The following ACE variants were observed in gnomAD, a reference collection of about 807,000 sequenced individuals.
ACE encodes the protein angiotensin I converting enzyme.
ACE carries 122 observed loss-of-function variants against 162.3 expected under a neutral mutation model. The ratio of observed to expected loss-of-function variants is 0.75; its 90% confidence interval spans 0.65 to 0.87. The LOEUF (loss-of-function observed/expected upper bound fraction) is 0.87. Among genes scored for constraint, ACE ranks in the 40% least tolerant of loss-of-function variants. The pLI, the probability that ACE is intolerant of heterozygous loss-of-function variation, is 0.00. For missense variants in ACE, 1,799 were observed against 1,735.1 expected (o/e 1.04, Z -0.65); for synonymous variants, 796 against 720.6 (o/e 1.10, Z -1.68).
In ACE at chr17:63,483,060, A is replaced by G. The variant is rs1301877423; in HGVS notation, c.1374A>G (p.Ala458=). ...ESDINYLLKM[A]LEKIAFLPFG... ...ACATCAATTACTTGCTAAAAATGGC[A>G]CTGGAAAAAATTGCCTTCCTGCCCT... The change falls in exon 9 of 25, where the codon GCA becomes GCG. Residue 458 remains alanine, a synonymous_variant. Transcript: ENST00000290866. The G allele has an allele frequency of 2.4e-5, 39 of 1,614,170 alleles. No homozygotes were observed. The highest frequency in any genetic ancestry group is 3.3e-5 in the Non-Finnish European group (39 of 1,180,026).
chr17:63,496,501 C>T lies in ACE; in HGVS notation c.3488C>T (p.Ala1163Val). ...HKCDIYQSKE[A>V]GQRLATAMKL... is the part of the protein sequence containing the mutation. Reference sequence around the variant, plus strand: ...TGTGACATCTACCAGTCCAAGGAGGCCGGGCAGCGCCTGGCGTGAGTGTCC... The same window carrying T: ...TGTGACATCTACCAGTCCAAGGAGGTCGGGCAGCGCCTGGCGTGAGTGTCC... Residue 1163 changes from alanine (A) to valine (V), a missense_variant, in exon 23 of 25, where the codon GCC becomes GTC. Transcript: ENST00000290866. 2 of 1,614,148 alleles carry T rather than the reference C, an allele frequency of 1.2e-6. No individual in the cohort carries two copies. The highest frequency in any genetic ancestry group is 1.7e-6 in the Non-Finnish European group (2 of 1,180,048).
rs13306087 is a variant in ACE at position 63,479,049 on chromosome 17, G to A, written c.460G>A (p.Ala154Thr). 491 of 1,613,538 alleles carry A rather than the reference G, an allele frequency of 3.0e-4. 2 individuals carry two copies. In the East Asian group the frequency reaches 7.7e-3, roughly 25 times the overall value. The change falls in exon 3 of 25, where the codon GCC (alanine) becomes ACC (threonine). Residue 154 changes from alanine to threonine, a missense_variant. Ala to Thr is a moderately conservative substitution (Grantham distance 58). Coordinates refer to ENST00000290866, the MANE Select transcript of ACE (RefSeq NM_000789.4). ...CAACATGAGCAGGATCTACTCCACC[G>A]CCAAGGTCTGCCTCCCCAACAAGAC... The part of the protein sequence containing the change: ...LSNMSRIYST[A>T]KVCLPNKTAT...
At chr17:63,480,225 C>T (rs2049683411) in intron 4 of ACE, 112 bp from the exon 5 acceptor site, 1 of 1,207,948 alleles carries the variant, frequency 8.3e-7, no homozygotes, top group African/African-American at 1.5e-5. Context: ...GCCAATTTTC[C>T]AGCTAGCTGC....
chr17:63,481,095 C>T lies in ACE; in HGVS notation c.852C>T (p.Asp284=). 6.2e-7 allele frequency: 1 copy of T among 1,614,018 alleles called. No homozygotes were observed. Among genetic ancestry groups the T allele is most frequent in the South Asian group, 1.1e-5 (1 of 91,078 alleles). The change falls in exon 6 of 25, where the codon GAC becomes GAT. Residue 284 remains aspartate (D), a synonymous_variant. Transcript: ENST00000290866. ...RGPIPAHLLG[D]MWAQSWENIY... ...TCCCCTTCCTTCCTTATCTAGGAGA[C>T]ATGTGGGCCCAGAGCTGGGAAAACA...
In ACE at chr17:63,480,489, T is replaced by C; in HGVS notation, c.808T>C (p.Tyr270His). The C allele has an allele frequency of 6.2e-7, 1 of 1,614,014 alleles. No homozygotes were observed. Among genetic ancestry groups the C allele is most frequent in the Non-Finnish European group, 8.5e-7 (1 of 1,180,026 alleles). ...RALHRRYGDR[Y>H]INLRGPIPAH... ...ACTGCATCGCCGATACGGAGACAGATACATCAACCTCAGGGGACCCATCCC... is the reference window on the plus strand; with the variant it reads ...ACTGCATCGCCGATACGGAGACAGACACATCAACCTCAGGGGACCCATCCC... Residue 270 changes from tyrosine to histidine, a missense_variant, in exon 5 of 25, where the codon TAC becomes CAC. By Grantham distance (83) the Tyr-to-His change is moderately conservative. Coordinates refer to ENST00000290866, the MANE Select transcript of ACE (RefSeq NM_000789.4).
At chr17:63,490,649 G>A in intron 17 of ACE, 1 of 435,514 alleles carries the variant, frequency 2.3e-6, no homozygotes, top group East Asian at 4.9e-5. Flanking sequence ...CTGGGGACCT[G>A]TAATGTCCTC....
At chr17:63,479,171 A>G in intron 3 of ACE, 71 bp downstream of exon 3, 1 of 1,236,098 alleles carries the variant, frequency 8.1e-7, no homozygotes, top group Non-Finnish European at 1.2e-6. Flanking sequence ...ACTCCAGACC[A>G]TGCAGTTGTG....
At chr17:63,480,966 C>T in intron 5 of ACE, 125 bp from the exon 6 acceptor site, 2 of 900,222 alleles carry the variant, frequency 2.2e-6, no homozygotes, top group South Asian at 1.4e-5. Context: ...TGGCCCTAAG[C>T]CAGGCCTGCA....
chr17:63,483,000 C>T lies in ACE; in HGVS notation c.1343-29C>T, dbSNP rs558058970. The T allele has an allele frequency of 1.1e-5, 17 of 1,611,636 alleles. No individual in the cohort carries two copies. The African/African-American group carries it at 1.5e-4, about 14-fold the overall frequency. On this transcript the variant is annotated intron_variant, in intron 8 of 24. Coordinates refer to ENST00000290866, the MANE Select transcript of ACE (RefSeq NM_000789.4). ...GACCCTCTTCTCCCTCTGACCTCTT[C>T]CCTCTCCTTTCATCTCATCTCCCAA...
At chr17:63,486,894 A>G (rs1442031035) in intron 14 of ACE, 92 bp from the exon 15 acceptor site, 13 of 1,479,134 alleles carry the variant, frequency 8.8e-6, no homozygotes. Flanking sequence ...CTGGCTCCCC[A>G]CCTGCCAGCC....
chr17:63,491,457 A>T lies in ACE; in HGVS notation c.2912+76A>T. 1 of 1,582,056 alleles carries T rather than the reference A, an allele frequency of 6.3e-7. No homozygotes were observed. Among genetic ancestry groups the T allele is most frequent in the Admixed American group, 1.7e-5 (1 of 59,818 alleles). On this transcript the variant is annotated intron_variant, in intron 19 of 24. Coordinates refer to ENST00000290866, the MANE Select transcript of ACE (RefSeq NM_000789.4). This position sits in a 1 kb window ranked among gnomAD's most constrained non-coding sequence, Gnocchi z 4.4. Reference sequence around the variant, plus strand: ...AAATGAACCAAGCAAAGGGTCCACTACTGTCCCCCAGCTGGAGCCAGCAGG... The same window carrying T: ...AAATGAACCAAGCAAAGGGTCCACTTCTGTCCCCCAGCTGGAGCCAGCAGG...
chr17:63,483,567 G>GCGGGCCCCC lies in ACE; in HGVS notation c.1586+10_1586+11insGGGCCCCCC. The GCGGGCCCCC allele has an allele frequency of 1.9e-6, 3 of 1,589,568 alleles. No homozygotes were observed. The highest frequency in any genetic ancestry group is 8.6e-7 in the Non-Finnish European group (1 of 1,165,676). On this transcript the variant is annotated intron_variant, in intron 10 of 24. Coordinates refer to ENST00000290866, the MANE Select transcript of ACE (RefSeq NM_000789.4). Reference sequence around the variant, plus strand: ...GTGACACCATACATCAGGTATTAGCGCCCCCACCCCACCCACCCCCAGTAC... The same window carrying GCGGGCCCCC: ...GTGACACCATACATCAGGTATTAGCGCGGGCCCCCCCCCCACCCCACCCACCCCCAGTAC...
At chr17:63,490,895 A>G in intron 17 of ACE, 59 bp from the exon 18 acceptor site, 2 of 1,534,052 alleles carry the variant, frequency 1.3e-6, no homozygotes, top group East Asian at 4.5e-5. Context: ...GCAGGAGGGC[A>G]TTGAGCCTAA....
At chr17:63,478,950 G>A (rs557510265) in intron 2 of ACE, 57 bp from the exon 3 acceptor site, 2 of 1,456,478 alleles carry the variant, frequency 1.4e-6, no homozygotes, top group Admixed American at 3.5e-5. Context: ...GCAGCGAGGG[G>A]AGGGCAGATG....
At chr17:63,479,653 A>G (rs2049674242) in intron 3 of ACE, 116 bp from the exon 4 acceptor site, 3 of 1,403,016 alleles carry the variant, frequency 2.1e-6, no homozygotes, top group Non-Finnish European at 3.0e-6. Flanking sequence ...CTCTGGGGGC[A>G]CCGTGATGTT....
intron 4 of ACE, among the ~76,000 whole-genome samples, chr17:63,480,114 C>T (rs2049682207): frequency 6.6e-6 from 1 of 152,230 alleles, no homozygotes; most frequent in Non-Finnish European, 1.5e-5. Context: ...GGCCATCCTG[C>T]TGTCACTCCT....
chr17:63,483,568 C>CGGGGGCG lies in ACE; in HGVS notation c.1586+10_1586+11insGGGGGCG. ...TGACACCATACATCAGGTATTAGCG[C>CGGGGGCG]CCCCACCCCACCCACCCCCAGTACT... On this transcript the variant is annotated intron_variant, in intron 10 of 24. Transcript: ENST00000290866. 8.2e-6 allele frequency: 13 copies of CGGGGGCG among 1,585,782 alleles called. No homozygotes were observed. Among genetic ancestry groups the CGGGGGCG allele is most frequent in the Non-Finnish European group, 1.1e-5 (13 of 1,159,892 alleles).
Position 63,494,426 on chromosome 17 carries a change from C to T in ACE, c.3336C>T (p.Asp1112=), listed in dbSNP as rs762107963. The part of the protein sequence containing the change: ...PPVPRTQGDF[D]PGAKFHIPSS... The stretch of plus-strand genomic sequence containing the variant: ...TGCCCAGGACTCAAGGTGACTTTGA[C>T]CCAGGGGCCAAGTTCCACATTCCTT... Residue 1112 remains aspartate, a synonymous_variant, in exon 22 of 25, where the codon GAC becomes GAT. Transcript: ENST00000290866. 4 of 1,614,052 alleles carry T rather than the reference C, an allele frequency of 2.5e-6. No individual in the cohort carries two copies. The highest frequency in any genetic ancestry group is 3.4e-6 in the Non-Finnish European group (4 of 1,180,028).
At chr17:63,485,760 G>A in intron 13 of ACE, 1 of 173,798 alleles carries the variant, frequency 5.8e-6, no homozygotes. Flanking sequence ...GGGCGACAGA[G>A]CGAGACTCCA....
Sources: gnomAD v4.1 joint callset for allele counts (sites outside exome capture counted in the v4.1 genomes callset) on GRCh38, gnomAD v4.1.1 for gene constraint, Gnocchi (gnomAD v3.1) non-coding constraint, MANE v1.5 for transcripts, NCBI Gene and HGNC (gene_info 2026-07-23, HGNC 2026-07-21) for gene names.